Variants in CRIM1 observed in about 807,000 individuals in gnomAD.
The protein encoded by CRIM1 is cysteine-rich motor neuron 1 protein.
Under a neutral mutation model 116.4 loss-of-function variants are expected in CRIM1, and 32 were observed. That is an observed-to-expected ratio of 0.27 (90% CI 0.21 to 0.37). The LOEUF is 0.37. CRIM1 is among the 10% of genes least tolerant of loss of function. The pLI, the probability that CRIM1 is intolerant of heterozygous loss-of-function variation, is 1.00. For synonymous variants in CRIM1, 590 were observed against 509.2 expected (o/e 1.16, Z -2.13); for missense variants, 1,331 against 1,354.8 (o/e 0.98, Z 0.28).
intron 2 of CRIM1, among the ~76,000 whole-genome samples, chr2:36,429,708 G>T (rs759724985): frequency 6.6e-6 from 1 of 152,222 alleles, no homozygotes; most frequent in Non-Finnish European, 1.5e-5. Context: ...ACGGTGCCTA[G>T]ACAGCAGCAT....
chr2:36,523,385 G>T (rs534396498), intron 13 of CRIM1, among the ~76,000 whole-genome samples: 74 of 152,192 alleles, frequency 4.9e-4, no homozygotes, highest in Non-Finnish European at 1.3e-4. Flanking sequence ...CTTGTGACCC[G>T]TGGTGGTGAT....
At chr2:36,393,817 G>T (rs763975555) in intron 1 of CRIM1, among the ~76,000 whole-genome samples, 4 of 152,214 alleles carry the variant, frequency 2.6e-5, no homozygotes, top group South Asian at 2.1e-4. Flanking sequence ...CCTCAAGTGT[G>T]CCTAGAGCAT....
intron 13 of CRIM1, among the ~76,000 whole-genome samples, chr2:36,530,840 C>T (rs1158039629): frequency 1.3e-5 from 2 of 152,284 alleles, no homozygotes; most frequent in African/African-American, 2.4e-5. Context: ...CAGCTGTCTG[C>T]GCGTCTTTTC....
intron 2 of CRIM1, among the ~76,000 whole-genome samples, chr2:36,409,995 T>TA (rs1266097532): frequency 6.6e-6 from 1 of 152,232 alleles, no homozygotes; most frequent in Non-Finnish European, 1.5e-5. Flanking sequence ...TGGTTGATGA[T>TA]ACATGCAAAG....
At chr2:36,400,340 G>C (rs1290941254) in intron 2 of CRIM1, among the ~76,000 whole-genome samples, 1 of 133,628 alleles carries the variant, frequency 7.5e-6, no homozygotes, top group Non-Finnish European at 1.6e-5. Flanking sequence ...ATTGAAGAGG[G>C]GTGAAGAACA....
In CRIM1 at chr2:36,479,601, G is replaced by A. The variant is rs1316181002; in HGVS notation, c.1279G>A (p.Val427Ile). 17 of 1,614,114 alleles carry A rather than the reference G, an allele frequency of 1.1e-5. No individual in the cohort carries two copies. The highest frequency in any genetic ancestry group is 4.0e-5 in the African/African-American group (3 of 74,940). Residue 427 changes from valine (V) to isoleucine (I), a missense_variant, in exon 7 of 17, where the codon GTC becomes ATC. This residue lies in a region of CRIM1 where 690 missense variants were observed against 676.0 expected (regional missense o/e 1.02). Transcript: ENST00000280527. Reference sequence around the variant, plus strand: ...AGACGACTGCACATTCTGCCAGTGCGTCAACGGTGAACGCCACTGCGTTGC... The same window carrying A: ...AGACGACTGCACATTCTGCCAGTGCATCAACGGTGAACGCCACTGCGTTGC... Reference protein sequence around the residue: ...REDDCTFCQCVNGERHCVATV... With the variant: ...REDDCTFCQCINGERHCVATV...
chr2:36,513,360 T>A (rs1246355728), intron 10 of CRIM1, 196 bp from the exon 11 acceptor site: 2 of 559,570 alleles, frequency 3.6e-6, no homozygotes. Flanking sequence ...ATTTGCCGGT[T>A]TTTTTCTCTC....
chr2:36,455,797 T>A (rs1048594271), intron 4 of CRIM1, among the ~76,000 whole-genome samples: 1 of 152,098 alleles, frequency 6.6e-6, no homozygotes, highest in South Asian at 2.1e-4. Flanking sequence ...TTGTGTGATA[T>A]GTTCGGAGGA....
intron 1 of CRIM1, among the ~76,000 whole-genome samples, chr2:36,371,394 T>C (rs182652641): frequency 1.6e-3 from 244 of 152,334 alleles, no homozygotes; most frequent in African/African-American, 5.7e-3. Flanking sequence ...TGTGTTATTC[T>C]AGCGCTTGGC....
rs967438346 is a variant in CRIM1, at chr2:36,499,444, C to A, written c.1501+97C>A. On this transcript the variant is annotated intron_variant, in intron 8 of 16. Transcript: ENST00000280527. ...AATATCTTTTTCACTTCTGTTCAGA[C>A]ATTCCCTTGACAACCTGAAAAAAAG... 8.5e-6 allele frequency: 11 copies of A among 1,294,934 alleles called. 1 individual carries two copies. Among genetic ancestry groups the A allele is most frequent in the Middle Eastern group, 1.9e-4 (1 of 5,184 alleles). The allele number at this position is 1,294,934 out of a possible 1,614,324, so 80.2% of individuals were successfully genotyped here.
intron 14 of CRIM1, among the ~76,000 whole-genome samples, chr2:36,543,041 C>G (rs1482319969): frequency 1.3e-5 from 2 of 152,186 alleles, no homozygotes; most frequent in African/African-American, 4.8e-5. Flanking sequence ...CAGGGATGCA[C>G]TGAACCTGTA....
intron 13 of CRIM1, chr2:36,531,832 T>C (rs1408275728): frequency 2.2e-6 from 1 of 462,584 alleles, no homozygotes; most frequent in South Asian, 1.6e-5. Flanking sequence ...TTTATTGTAA[T>C]CATATGTGAT....
At chr2:36,388,600 C>G (rs1671344769) in intron 1 of CRIM1, among the ~76,000 whole-genome samples, 1 of 152,120 alleles carries the variant, frequency 6.6e-6, no homozygotes, top group South Asian at 2.1e-4. Context: ...GAATGAGTGA[C>G]AGAGCTAAGG....
At chr2:36,378,557 T>A in intron 1 of CRIM1, 1 of 355,854 alleles carries the variant, frequency 2.8e-6, no homozygotes, top group Non-Finnish European at 5.6e-6. Context: ...CTTAAGGAAG[T>A]TAATTTGAAA....
intron 13 of CRIM1, among the ~76,000 whole-genome samples, chr2:36,525,170 G>A (rs1026372087): frequency 3.9e-5 from 6 of 152,132 alleles, no homozygotes; most frequent in Admixed American, 1.3e-4. Flanking sequence ...ATTTATATGT[G>A]TTGTATTATT....
At chr2:36,372,175 G>A (rs1241843097) in intron 1 of CRIM1, among the ~76,000 whole-genome samples, 1 of 152,140 alleles carries the variant, frequency 6.6e-6, no homozygotes, top group Non-Finnish European at 1.5e-5. Context: ...CCTGAGGGTG[G>A]AAGTGTGTGA....
chr2:36,538,805 T>G (rs1280105739), intron 14 of CRIM1, among the ~76,000 whole-genome samples: 4 of 152,208 alleles, frequency 2.6e-5, no homozygotes, highest in Admixed American at 2.6e-4. Context: ...GTGCTTTAAA[T>G]GAGAATAAGA....
rs562363340 is a variant in CRIM1, at chr2:36,483,847, G to T, written c.1372+4153G>T. 7.9e-5 allele frequency among the ~76,000 whole-genome samples: 12 copies of T among 152,326 alleles called. No individual in the cohort carries two copies. In the East Asian group the frequency reaches 2.3e-3, roughly 29 times the overall value. Reference sequence around the variant, plus strand: ...GTGAGGGAGCAGACCCTGATACAGGGTTACCTTAACCAGAGCGTCAAAAGC... The same window carrying T: ...GTGAGGGAGCAGACCCTGATACAGGTTTACCTTAACCAGAGCGTCAAAAGC... On this transcript the variant is annotated intron_variant, in intron 7 of 16. Coordinates refer to ENST00000280527, the MANE Select transcript of CRIM1 (RefSeq NM_016441.3).
At chr2:36,399,088 G>A (rs1412068241) in intron 2 of CRIM1, among the ~76,000 whole-genome samples, 1 of 152,168 alleles carries the variant, frequency 6.6e-6, no homozygotes, top group African/African-American at 2.4e-5. Context: ...AATACACTTG[G>A]GAAACTGGTC....
Sources: gnomAD v4.1 joint callset for allele counts (sites outside exome capture counted in the v4.1 genomes callset) on GRCh38, gnomAD v4.1.1 for gene constraint, gnomAD v4.1.1 regional missense constraint, MANE v1.5 for transcripts, NCBI Gene and HGNC (gene_info 2026-07-23, HGNC 2026-07-21) for gene names.